SGCD: variants seen among roughly 807,000 people sequenced by gnomAD.
The protein encoded by SGCD is delta-sarcoglycan.
In SGCD, 18 loss-of-function variants were observed where a neutral mutation model predicts 36.6. The observed-to-expected ratio is 0.49, with a 90% confidence interval of 0.34 to 0.73. The LOEUF (loss-of-function observed/expected upper bound fraction) is 0.73. SGCD is among the 30% of genes least tolerant of loss of function. SGCD has a pLI of 0.01. For missense variants in SGCD, 387 were observed against 346.7 expected (o/e 1.12, Z -0.92); for synonymous variants, 133 against 130.6 (o/e 1.02, Z -0.12).
the SGCD span, among the ~76,000 whole-genome samples, chr5:155,856,985 G>A: frequency 2.0e-5 from 3 of 152,180 alleles, no homozygotes. Context: ...TGTAATCCCA[G>A]TACTTTGGGA....
chr5:156,592,300 G>A (rs157290), intron 5 of SGCD, among the ~76,000 whole-genome samples: 48,342 of 151,852 alleles, frequency 0.32, 8,588 homozygotes, highest in African/African-American at 0.49. Context: ...TCATTCATTC[G>A]TTAGTACTTC....
intron 3 of SGCD, among the ~76,000 whole-genome samples, chr5:156,406,036 G>GAAAAAAAAAAAAAAAAAAAAAAAT (rs79259925): frequency 3.1e-4 from 42 of 136,584 alleles, no homozygotes; most frequent in African/African-American, 9.2e-4. Flanking sequence ...AAAAAAAAAG[G>GAAAAAAAAAAAAAAAAAAAAAAAT]CCTCTGGGCA....
chr5:156,451,952 G>A (rs113608382), intron 3 of SGCD, among the ~76,000 whole-genome samples: 74 of 152,204 alleles, frequency 4.9e-4, no homozygotes, highest in African/African-American at 1.6e-3. Context: ...TCCAGCAACC[G>A]TATGATACAG....
chr5:155,964,463 C>T (rs756049547), intron 1 of SGCD, among the ~76,000 whole-genome samples: 7 of 152,072 alleles, frequency 4.6e-5, no homozygotes, highest in South Asian at 2.1e-4. Context: ...CTCAGCCTCC[C>T]GAATAGGTGG....
At chr5:156,259,722 G>A (rs890117955) in intron 3 of SGCD, among the ~76,000 whole-genome samples, 2 of 152,028 alleles carry the variant, frequency 1.3e-5, no homozygotes, top group African/African-American at 2.4e-5. Flanking sequence ...GTTCATTGGC[G>A]GTGGGGCCCT....
chr5:155,941,779 A>C (rs1041252187), intron 1 of SGCD, among the ~76,000 whole-genome samples: 1 of 152,136 alleles, frequency 6.6e-6, no homozygotes, highest in Non-Finnish European at 1.5e-5. Context: ...TTTAATCCTT[A>C]TAATAATTAA....
intron 3 of SGCD, among the ~76,000 whole-genome samples, chr5:156,286,484 C>T (rs1166010572): frequency 3.3e-5 from 5 of 152,166 alleles, no homozygotes; most frequent in Non-Finnish European, 7.3e-5. Context: ...CCATGGAATA[C>T]TATGCAGCCA....
chr5:156,004,450 T>G (rs915160933), intron 1 of SGCD, among the ~76,000 whole-genome samples: 2 of 152,170 alleles, frequency 1.3e-5, no homozygotes, highest in African/African-American at 2.4e-5. Context: ...TTCCATATAT[T>G]GTTTTACTGA....
At chr5:156,696,985 G>A (rs569942226) in intron 7 of SGCD, among the ~76,000 whole-genome samples, 2 of 149,002 alleles carry the variant, frequency 1.3e-5, no homozygotes, top group South Asian at 4.2e-4. Context: ...AAGACATCCT[G>A]GTTTCCAGAC....
intron 3 of SGCD, among the ~76,000 whole-genome samples, chr5:156,188,680 ACACATACACACAATCC>A (rs1763821886): frequency 8.1e-6 from 1 of 122,844 alleles, no homozygotes; most frequent in Non-Finnish European, 1.8e-5. Context: ...CCCCCCCGAC[ACACATACACACAATCC>A]CTCTCTACAT....
At chr5:156,588,632 A>G (rs577451028) in intron 4 of SGCD, among the ~76,000 whole-genome samples, 5 of 152,326 alleles carry the variant, frequency 3.3e-5, no homozygotes, top group African/African-American at 1.2e-4. Context: ...CAGACGGCCT[A>G]GAGGAAAAGG....
At chr5:156,120,134 C>T (rs918173232) in intron 2 of SGCD, among the ~76,000 whole-genome samples, 6 of 152,060 alleles carry the variant, frequency 3.9e-5, no homozygotes, top group Non-Finnish European at 5.9e-5. Flanking sequence ...GAAGCTGTGC[C>T]CTCTGGACCT....
intron 1 of SGCD, among the ~76,000 whole-genome samples, chr5:155,984,114 G>A (rs1292997077): frequency 1.3e-5 from 2 of 152,112 alleles, no homozygotes; most frequent in African/African-American, 2.4e-5. Flanking sequence ...TTGCATTTGC[G>A]AAACATTTTC....
intron 1 of SGCD, among the ~76,000 whole-genome samples, chr5:155,980,941 C>G (rs1263941791): frequency 6.6e-6 from 1 of 152,148 alleles, no homozygotes; most frequent in African/African-American, 2.4e-5. Context: ...ATCTGGGAAA[C>G]CAGTGGTCAA....
intron 1 of SGCD, among the ~76,000 whole-genome samples, chr5:155,926,790 T>C (rs1025763487): frequency 1.3e-5 from 2 of 152,254 alleles, no homozygotes; most frequent in South Asian, 4.1e-4. Context: ...AAAAATATAG[T>C]AATGGTGGGA....
intron 3 of SGCD, among the ~76,000 whole-genome samples, chr5:156,288,187 G>A (rs993494761): frequency 1.1e-4 from 16 of 152,060 alleles, no homozygotes; most frequent in African/African-American, 3.4e-4. Flanking sequence ...TAGAACTCTC[G>A]GGAGCTTTGC....
intron 3 of SGCD, among the ~76,000 whole-genome samples, chr5:156,458,826 C>G (rs946771357): frequency 6.6e-6 from 1 of 152,152 alleles, no homozygotes; most frequent in African/African-American, 2.4e-5. Flanking sequence ...AGTGTTTAAA[C>G]AAGTGACTAG....
intron 1 of SGCD, among the ~76,000 whole-genome samples, chr5:156,040,412 CA>C (rs1759607972): frequency 6.6e-6 from 1 of 152,174 alleles, no homozygotes. Flanking sequence ...TCTAGCCCCA[CA>C]AAATGTGGAT....
chr5:156,526,210 G>A (rs1757633991), intron 4 of SGCD, among the ~76,000 whole-genome samples: 1 of 152,006 alleles, frequency 6.6e-6, no homozygotes, highest in Non-Finnish European at 1.5e-5. Flanking sequence ...GAAGGAGGGA[G>A]ATAAAGATGA....
Sources: gnomAD v4.1 joint callset for allele counts (sites outside exome capture counted in the v4.1 genomes callset) on GRCh38, gnomAD v4.1.1 for gene constraint, MANE v1.5 for transcripts, NCBI Gene and HGNC (gene_info 2026-07-23, HGNC 2026-07-21) for gene names.